PLEKHM2: variants seen among roughly 807,000 people sequenced by gnomAD.
PLEKHM2 encodes the protein pleckstrin homology and RUN domain containing M2, also known as pleckstrin homology domain-containing family M member 2.
PLEKHM2 carries 77 observed loss-of-function variants against 116.3 expected under a neutral mutation model. The observed-to-expected ratio is 0.66, with a 90% CI of 0.55 to 0.80. The LOEUF (loss-of-function observed/expected upper bound fraction) is 0.80, where lower values mean the gene tolerates loss of function less well. Among genes scored for constraint, PLEKHM2 ranks in the 30% least tolerant of loss-of-function variants. PLEKHM2 has a pLI of 0.00. For missense variants in PLEKHM2, 1,183 were observed against 1,354.9 expected (o/e 0.87, Z 1.99); for synonymous variants, 562 against 571.0 (o/e 0.98, Z 0.22).
intron 1 of PLEKHM2, among the ~76,000 whole-genome samples, chr1:15,698,549 C>CTTTTTTTTT (rs564918055): frequency 2.7e-5 from 3 of 111,222 alleles, no homozygotes; most frequent in South Asian, 2.7e-4. Context: ...TTCTTTCTTT[C>CTTTTTTTTT]TTTTTTTTTT....
At chr1:15,698,316 G>A (rs965676799) in intron 1 of PLEKHM2, among the ~76,000 whole-genome samples, 10 of 151,908 alleles carry the variant, frequency 6.6e-5, no homozygotes, top group Admixed American at 2.0e-4. Context: ...CAATCCTCCC[G>A]CCTCATCATC....
chr1:15,713,631 TTTG>T (rs1211120610), intron 1 of PLEKHM2, among the ~76,000 whole-genome samples: 7 of 117,916 alleles, frequency 5.9e-5, no homozygotes, highest in African/African-American at 3.2e-4. Context: ...TGTTTGTTTG[TTTG>T]TTTTTTGTTT....
chr1:15,684,993 G>A (rs369858394), intron 1 of PLEKHM2, among the ~76,000 whole-genome samples: 1 of 152,176 alleles, frequency 6.6e-6, no homozygotes, highest in Non-Finnish European at 1.5e-5. Flanking sequence ...GGGTCCCCCC[G>A]CCAGGCTGGC....
chr1:15,732,191 G>A (rs1343509222), intron 17 of PLEKHM2, 143 bp downstream of exon 17: 8 of 940,048 alleles, frequency 8.5e-6, no homozygotes, highest in Non-Finnish European at 1.3e-5. Flanking sequence ...GGACCCTGGA[G>A]CTCAGAGGCA....
At chr1:15,699,957 C>T (rs1324146057) in intron 1 of PLEKHM2, among the ~76,000 whole-genome samples, 1 of 151,460 alleles carries the variant, frequency 6.6e-6, no homozygotes, top group Non-Finnish European at 1.5e-5. Flanking sequence ...AGCCACTGCA[C>T]TCCAGCTTGG....
chr1:15,732,616 T>A lies in PLEKHM2; in HGVS notation c.2810T>A (p.Phe937Tyr). The A allele has an allele frequency of 1.2e-6, 2 of 1,601,086 alleles. No homozygotes were observed. Among genetic ancestry groups the A allele is most frequent in the Non-Finnish European group, 1.7e-6 (2 of 1,173,868 alleles). ...EPGKEYCVLE[F>Y]SQDSQQLLPP... ...CGGGGGCCTGGCTCTCCCTAGGAGT[T>A]CTCCCAGGACAGCCAGCAGCTCCTC... The change falls in exon 19 of 20, where the codon TTC (phenylalanine) becomes TAC (tyrosine). Residue 937 changes from phenylalanine (F) to tyrosine (Y), a missense_variant. Physicochemically the swap from Phe to Tyr is conservative, Grantham distance 22 (BLOSUM62 3). Transcript: ENST00000375799.
rs899766875 is a variant in PLEKHM2 at position 15,729,145 on chromosome 1, G to A, written c.2030G>A (p.Arg677His). The change falls in exon 13 of 20, where the codon CGC becomes CAC. Residue 677 changes from arginine to histidine, a missense_variant. By Grantham distance (29) the Arg-to-His change is conservative. This residue lies in a region of PLEKHM2 where 594 missense variants were observed against 720.1 expected (regional missense o/e 0.82). Transcript: ENST00000375799. The surrounding 1 kb of genome is among the most constrained non-coding windows in gnomAD (Gnocchi z 4.7). ...QQTVKLVCTNRRKQFLLDTAD... is the reference protein window; with the variant it reads ...QQTVKLVCTNHRKQFLLDTAD... ...ACGGTGAAGCTGGTGTGCACCAACC[G>A]CAGGAAGCAGTTTCTGCTGGACACG... The A allele has an allele frequency of 1.6e-5, 25 of 1,611,750 alleles. No individual in the cohort carries two copies. The highest frequency in any genetic ancestry group is 4.0e-5 in the African/African-American group (3 of 74,928).
At position 15,720,149 on chromosome 1, in the gene PLEKHM2, T is replaced by TATATATAA. The variant is rs766169429; in HGVS notation, c.652+230_652+231insTATATAAA. Among the ~76,000 whole-genome samples, 184 of 118,642 alleles carry TATATATAA rather than the reference T, an allele frequency of 1.6e-3. 1 individual carries two copies. The highest frequency in any genetic ancestry group is 6.3e-3 in the African/African-American group (154 of 24,426). 77.8% of individuals were successfully genotyped at this position (118,642 alleles called of 152,430 possible). ...GAAATTATATATATATATATATATA[T>TATATATAA]AAAATATATATTTTTTAAGGTTAGA... is the stretch of plus-strand genomic sequence containing the variant. On this transcript the variant is annotated intron_variant, in intron 6 of 19. Transcript: ENST00000375799.
At chr1:15,726,916 G>A in intron 8 of PLEKHM2, 98 bp from the exon 9 acceptor site, 1 of 756,124 alleles carries the variant, frequency 1.3e-6, no homozygotes. Context: ...TGTGCCCTCA[G>A]AGGCTACATG....
rs369021812 is a variant in PLEKHM2 at position 15,733,922 on chromosome 1, C to T, written c.3048C>T (p.Asp1016=). Residue 1016 remains aspartate, a synonymous_variant, in exon 20 of 20, where the codon GAC becomes GAT. Coordinates refer to ENST00000375799, the MANE Select transcript of PLEKHM2 (RefSeq NM_015164.4). ...DSLCRGRASR[D]PWC The stretch of plus-strand genomic sequence containing the variant: ...TCTGCCGCGGCCGAGCCTCCCGAGA[C>T]CCCTGGTGCTGAGGCAGAGCTGGTT... 51 of 1,611,994 alleles carry T rather than the reference C, an allele frequency of 3.2e-5. No homozygotes were observed. The South Asian group carries it at 4.7e-4, about 15-fold the overall frequency.
intron 1 of PLEKHM2, among the ~76,000 whole-genome samples, chr1:15,687,104 G>A (rs1403830021): frequency 1.4e-5 from 2 of 146,538 alleles, no homozygotes. Context: ...TGTATTTTTT[G>A]TAGAGATGGG....
At chr1:15,716,641 C>T in intron 2 of PLEKHM2, 66 bp from the exon 3 acceptor site, 1 of 1,523,724 alleles carries the variant, frequency 6.6e-7, no homozygotes, top group Non-Finnish European at 8.9e-7. Context: ...ACTGCTGGAC[C>T]AGCCGACTGC....
intron 1 of PLEKHM2, among the ~76,000 whole-genome samples, chr1:15,690,870 A>T (rs1640875865): frequency 6.6e-6 from 1 of 152,228 alleles, no homozygotes; most frequent in South Asian, 2.1e-4. Context: ...ATTCTAGAAG[A>T]AAAAGAAGGT....
In PLEKHM2 at chr1:15,728,830, C is replaced by T. The variant is rs1571069794; in HGVS notation, c.1986+97C>T. On this transcript the variant is annotated intron_variant, in intron 12 of 19. Coordinates refer to ENST00000375799, the MANE Select transcript of PLEKHM2 (RefSeq NM_015164.4). The surrounding 1 kb of genome is among the most constrained non-coding windows in gnomAD (Gnocchi z 5.9). ...GCAGGGCGAGGCACGGCCCCTTACT[C>T]CCCTCCCGGGGTTGGGCACCAACTT... The T allele has an allele frequency of 3.4e-6, 4 of 1,168,942 alleles. No individual in the cohort carries two copies. The highest frequency in any genetic ancestry group is 2.0e-5 in the Admixed American group (1 of 49,258). The allele number at this position is 1,168,942 out of a possible 1,614,324, so 72.4% of individuals were successfully genotyped here.
chr1:15,730,238 C>T (rs376432817), intron 14 of PLEKHM2, among the ~76,000 whole-genome samples: 2 of 152,134 alleles, frequency 1.3e-5, no homozygotes, highest in Admixed American at 6.5e-5. Context: ...GTCAGGAGTT[C>T]GAGACCCGCC....
intron 1 of PLEKHM2, among the ~76,000 whole-genome samples, chr1:15,691,908 A>G (rs953113642): frequency 1.3e-5 from 2 of 152,254 alleles, no homozygotes; most frequent in Non-Finnish European, 1.5e-5. Flanking sequence ...CAGGAATTCA[A>G]GACCAGCCTG....
At chr1:15,695,602 C>T (rs2148334980) in intron 1 of PLEKHM2, among the ~76,000 whole-genome samples, 1 of 152,206 alleles carries the variant, frequency 6.6e-6, no homozygotes, top group South Asian at 2.1e-4. Context: ...ACCTCTGCCT[C>T]CCAGGTTCAA....
chr1:15,718,031 G>A (rs1429552422), intron 4 of PLEKHM2, 39 bp downstream of exon 4: 2 of 1,324,062 alleles, frequency 1.5e-6, no homozygotes, highest in Non-Finnish European at 2.1e-6. Flanking sequence ...TAGCCTCAGA[G>A]CTCCCTTTCA....
At chr1:15,704,833 AC>A (rs1186699095) in intron 1 of PLEKHM2, among the ~76,000 whole-genome samples, 1 of 152,200 alleles carries the variant, frequency 6.6e-6, no homozygotes, top group Non-Finnish European at 1.5e-5. Context: ...TGGAGCACAT[AC>A]TGCCCACGTT....
Sources: gnomAD v4.1 joint callset for allele counts (sites outside exome capture counted in the v4.1 genomes callset) on GRCh38, gnomAD v4.1.1 for gene constraint, gnomAD v4.1.1 regional missense constraint, Gnocchi (gnomAD v3.1) non-coding constraint, MANE v1.5 for transcripts, NCBI Gene and HGNC (gene_info 2026-07-23, HGNC 2026-07-21) for gene names.